Variants in HCRTR2 observed in about 807,000 individuals in gnomAD.
The protein encoded by HCRTR2 is orexin receptor type 2.
In HCRTR2, 22 loss-of-function variants were observed where a neutral mutation model predicts 49.0. That is an observed-to-expected ratio of 0.45 (90% CI 0.32 to 0.64). The LOEUF (loss-of-function observed/expected upper bound fraction) is 0.64. Among genes scored for constraint, HCRTR2 ranks in the 30% least tolerant of loss-of-function variants. HCRTR2 has a pLI of 0.04. For synonymous variants in HCRTR2, 236 were observed against 205.3 expected (o/e 1.15, Z -1.28); for missense variants, 491 against 559.4 (o/e 0.88, Z 1.23).
At chr6:55,115,679 A>G (rs1764106515) in intron 1 of HCRTR2, among the ~76,000 whole-genome samples, 1 of 151,672 alleles carries the variant, frequency 6.6e-6, no homozygotes, top group Non-Finnish European at 1.5e-5. Flanking sequence ...TTATTAAGTC[A>G]AATGGAAAGC....
chr6:55,122,214 T>G (rs971348385), intron 1 of HCRTR2, among the ~76,000 whole-genome samples: 1 of 152,142 alleles, frequency 6.6e-6, no homozygotes, highest in Admixed American at 6.6e-5. Flanking sequence ...GTCGAGGAAT[T>G]TATCCATTTC....
intron 1 of HCRTR2, among the ~76,000 whole-genome samples, chr6:55,230,017 A>G (rs546208766): frequency 3.3e-5 from 5 of 152,316 alleles, no homozygotes; most frequent in East Asian, 3.9e-4. Flanking sequence ...TGAGGGAAGT[A>G]AGGTATGGTA....
chr6:55,267,892 A>G (rs1766892356), intron 4 of HCRTR2, among the ~76,000 whole-genome samples: 1 of 151,930 alleles, frequency 6.6e-6, no homozygotes, highest in Non-Finnish European at 1.5e-5. Context: ...AGTCCATACA[A>G]AAAAAAATAA....
intron 1 of HCRTR2, among the ~76,000 whole-genome samples, chr6:55,126,484 C>T (rs934718182): frequency 1.3e-5 from 2 of 152,148 alleles, no homozygotes; most frequent in Non-Finnish European, 2.9e-5. Context: ...AGCTTCATCC[C>T]AGAGATCCCC....
intron 1 of HCRTR2, among the ~76,000 whole-genome samples, chr6:55,211,806 C>A (rs1765700568): frequency 6.6e-6 from 1 of 152,114 alleles, no homozygotes; most frequent in African/African-American, 2.4e-5. Flanking sequence ...CTCTGGGAAG[C>A]TTTCTATTAT....
intron 2 of HCRTR2, among the ~76,000 whole-genome samples, chr6:55,250,703 T>A (rs1349261469): frequency 6.6e-6 from 1 of 152,094 alleles, no homozygotes; most frequent in Non-Finnish European, 1.5e-5. Flanking sequence ...AGCATGGGTA[T>A]CTCTTATAAT....
At chr6:55,229,961 C>T (rs1766083436) in intron 1 of HCRTR2, among the ~76,000 whole-genome samples, 1 of 152,114 alleles carries the variant, frequency 6.6e-6, no homozygotes, top group East Asian at 1.9e-4. Flanking sequence ...CACCGCTTCA[C>T]AGGCAAAAAC....
At chr6:55,189,818 A>G (rs888401082) in intron 1 of HCRTR2, among the ~76,000 whole-genome samples, 1 of 151,296 alleles carries the variant, frequency 6.6e-6, no homozygotes, top group Non-Finnish European at 1.5e-5. Flanking sequence ...TTAAAAAAAG[A>G]AAAAGACAGT....
chr6:55,141,712 A>C (rs1047011280), intron 1 of HCRTR2, among the ~76,000 whole-genome samples: 6 of 152,220 alleles, frequency 3.9e-5, no homozygotes, highest in Non-Finnish European at 8.8e-5. Flanking sequence ...AGAAGCCTAG[A>C]GAACAAACAA....
chr6:55,115,789 T>C (rs1477496342), intron 1 of HCRTR2, among the ~76,000 whole-genome samples: 2 of 151,630 alleles, frequency 1.3e-5, no homozygotes, highest in Admixed American at 6.6e-5. Flanking sequence ...CATGAGAAGA[T>C]GAAACATAAA....
At chr6:55,163,941 AC>A (rs1764841436) in intron 1 of HCRTR2, among the ~76,000 whole-genome samples, 2 of 151,078 alleles carry the variant, frequency 1.3e-5, no homozygotes, top group Admixed American at 6.6e-5. Flanking sequence ...GAAAAAAACA[AC>A]CCCATCAAAA....
intron 1 of HCRTR2, among the ~76,000 whole-genome samples, chr6:55,159,689 A>C (rs1463553847): frequency 1.3e-5 from 2 of 152,252 alleles, no homozygotes; most frequent in African/African-American, 2.4e-5. Flanking sequence ...TTCGTGCAGC[A>C]TACACAGGTA....
intron 1 of HCRTR2, among the ~76,000 whole-genome samples, chr6:55,143,130 T>TTTTTTTTTTTTTTTTTTTTTTTTG (rs1554167809): frequency 6.7e-6 from 1 of 149,774 alleles, no homozygotes; most frequent in African/African-American, 2.5e-5. Flanking sequence ...AAATATTTTT[T>TTTTTTTTTTTTTTTTTTTTTTTTG]AAGTTAATAG....
At chr6:55,133,268 T>C (rs1334913504) in intron 1 of HCRTR2, among the ~76,000 whole-genome samples, 1 of 151,800 alleles carries the variant, frequency 6.6e-6, no homozygotes, top group Non-Finnish European at 1.5e-5. Flanking sequence ...TTCAGTCCTT[T>C]CTCTCATACA....
At chr6:55,194,298 T>C (rs1211469785) in intron 1 of HCRTR2, among the ~76,000 whole-genome samples, 1 of 152,058 alleles carries the variant, frequency 6.6e-6, no homozygotes, top group African/African-American at 2.4e-5. Context: ...TAGGAAAAAA[T>C]ATTTCATGTT....
chr6:55,106,719 A>G (rs958473561), intron 1 of HCRTR2, among the ~76,000 whole-genome samples: 2 of 152,142 alleles, frequency 1.3e-5, no homozygotes, highest in Non-Finnish European at 2.9e-5. Flanking sequence ...TTAACCACCA[A>G]GCATTCTACA....
intron 1 of HCRTR2, among the ~76,000 whole-genome samples, chr6:55,112,065 C>G (rs996260127): frequency 6.6e-6 from 1 of 151,914 alleles, no homozygotes; most frequent in Admixed American, 6.6e-5. Context: ...TCAATAGATG[C>G]AGAAAAAGCA....
Position 55,145,441 on chromosome 6 carries a change from T to C in HCRTR2, c.-377-28770T>C, listed in dbSNP as rs931182189. Among the ~76,000 whole-genome samples, 3 of 150,354 alleles carry C rather than the reference T, an allele frequency of 2.0e-5. No homozygotes were observed. In the Admixed American group the frequency reaches 2.0e-4, roughly 10 times the overall value. ...TGTTTTTTTTTTTGAGACGGATTCT[T>C]GCTCAGTCGCCTAGGCTGGAGTGCA... On this transcript the variant is annotated intron_variant, in intron 1 of 7. Coordinates refer to the HCRTR2 transcript ENST00000615358.
At chr6:55,119,313 G>A (rs937463738) in intron 1 of HCRTR2, among the ~76,000 whole-genome samples, 7 of 151,964 alleles carry the variant, frequency 4.6e-5, no homozygotes, top group African/African-American at 1.7e-4. Context: ...GGGATTGCTG[G>A]GTCAAATGGT....
Sources: allele counts gnomAD v4.1 joint callset (sites outside exome capture counted in the v4.1 genomes callset), GRCh38; gene constraint gnomAD v4.1.1; transcripts MANE v1.5; gene names NCBI Gene and HGNC (gene_info 2026-07-23, HGNC 2026-07-21).